Variants in MEIKIN observed in about 807,000 individuals in gnomAD.
The protein encoded by MEIKIN is meiotic kinetochore factor.
intron 11 of MEIKIN, among the ~76,000 whole-genome samples, chr5:131,845,272 T>TA (rs1158220526): frequency 0.071 from 3,197 of 45,266 alleles, 274 homozygotes; most frequent in Non-Finnish European, 0.081. Flanking sequence ...GACTTCGTCT[T>TA]AAAAAAAAAA....
chr5:131,822,045 C>A (rs1749517912), intron 11 of MEIKIN, among the ~76,000 whole-genome samples: 1 of 152,102 alleles, frequency 6.6e-6, no homozygotes, highest in Non-Finnish European at 1.5e-5. Flanking sequence ...TATGTAATAA[C>A]CTGCTTTGTC....
intron 11 of MEIKIN, among the ~76,000 whole-genome samples, chr5:131,823,124 T>C (rs1263613522): frequency 6.6e-6 from 1 of 152,140 alleles, no homozygotes; most frequent in Non-Finnish European, 1.5e-5. Context: ...ATCTTTTCTC[T>C]ATCCTTGACC....
intron 5 of MEIKIN, among the ~76,000 whole-genome samples, chr5:131,926,965 GAT>G (rs1272578073): frequency 1.3e-5 from 2 of 151,754 alleles, no homozygotes; most frequent in Non-Finnish European, 2.9e-5. Flanking sequence ...CAGTTTCACT[GAT>G]TTCTTTCTAT....
intron 4 of MEIKIN, among the ~76,000 whole-genome samples, chr5:131,935,920 T>C (rs1232229779): frequency 6.6e-6 from 1 of 152,194 alleles, no homozygotes; most frequent in Admixed American, 6.5e-5. Flanking sequence ...TGAGCATCTT[T>C]TGCTTTCTCT....
intron 5 of MEIKIN, among the ~76,000 whole-genome samples, chr5:131,928,640 C>G (rs144409191): frequency 2.1e-4 from 32 of 152,210 alleles, no homozygotes; most frequent in African/African-American, 6.0e-4. Flanking sequence ...TATACCAGAA[C>G]TAAAAGTGAT....
chr5:131,922,035 C>T (rs1435029127), intron 5 of MEIKIN, 94 bp from the exon 6 acceptor site: 5 of 395,294 alleles, frequency 1.3e-5, no homozygotes, highest in South Asian at 1.4e-4. Context: ...CCAGCCCATA[C>T]TAAATGATGG....
At chr5:131,893,833 T>C (rs1203977415) in intron 8 of MEIKIN, among the ~76,000 whole-genome samples, 1 of 152,250 alleles carries the variant, frequency 6.6e-6, no homozygotes, top group East Asian at 1.9e-4. Flanking sequence ...AGGTTGCCTG[T>C]TCACTCTGAT....
chr5:131,936,751 C>T (rs1042319587), intron 4 of MEIKIN, among the ~76,000 whole-genome samples: 3 of 151,994 alleles, frequency 2.0e-5, no homozygotes, highest in Admixed American at 6.6e-5. Flanking sequence ...CGTGCTGCTA[C>T]GCCTGGCTAC....
At chr5:131,812,137 A>T (rs1246927156) in intron 12 of MEIKIN, among the ~76,000 whole-genome samples, 1 of 152,240 alleles carries the variant, frequency 6.6e-6, no homozygotes, top group Admixed American at 6.5e-5. Context: ...CTGTATGTAG[A>T]TAATATTAAA....
intron 11 of MEIKIN, among the ~76,000 whole-genome samples, chr5:131,837,228 T>C (rs1749824195): frequency 1.3e-5 from 2 of 152,212 alleles, no homozygotes; most frequent in Admixed American, 6.5e-5. Context: ...CTTTGGTCTA[T>C]TCGTGCCAGT....
chr5:131,828,248 C>G (rs538956786), intron 11 of MEIKIN, among the ~76,000 whole-genome samples: 78 of 152,200 alleles, frequency 5.1e-4, no homozygotes, highest in South Asian at 1.5e-3. Context: ...CAATCTCTGC[C>G]CCTCTCCGGG....
chr5:131,875,133 G>C (rs1017717636), intron 9 of MEIKIN, among the ~76,000 whole-genome samples: 1 of 152,232 alleles, frequency 6.6e-6, no homozygotes, highest in Non-Finnish European at 1.5e-5. Context: ...AGTGTTGGAA[G>C]TTCTGGCCAG....
chr5:131,918,085 G>A (rs975295672), intron 6 of MEIKIN, among the ~76,000 whole-genome samples: 4 of 152,114 alleles, frequency 2.6e-5, no homozygotes, highest in Non-Finnish European at 5.9e-5. Context: ...CAAATTGTTG[G>A]GAAAGAGAAG....
At chr5:131,822,310 G>A (rs192439614) in intron 11 of MEIKIN, among the ~76,000 whole-genome samples, 1 of 152,100 alleles carries the variant, frequency 6.6e-6, no homozygotes, top group Non-Finnish European at 1.5e-5. Context: ...GACAGTTAGG[G>A]ACTTACTGCT....
intron 9 of MEIKIN, among the ~76,000 whole-genome samples, chr5:131,878,695 C>A (rs1750654670): frequency 6.6e-6 from 1 of 151,466 alleles, no homozygotes; most frequent in South Asian, 2.1e-4. Context: ...CTAGTGATAC[C>A]CCATCTTTAC....
At chr5:131,843,281 G>T (rs766522395) in intron 11 of MEIKIN, among the ~76,000 whole-genome samples, 1 of 152,192 alleles carries the variant, frequency 6.6e-6, no homozygotes. Flanking sequence ...CCACTGTCTT[G>T]GATATTAACA....
intron 7 of MEIKIN, among the ~76,000 whole-genome samples, chr5:131,913,554 A>G (rs1470854345): frequency 3.9e-5 from 6 of 152,182 alleles, no homozygotes; most frequent in Admixed American, 6.5e-5. Flanking sequence ...ACACCAATAT[A>G]TAGCTCTTAT....
At chr5:131,916,967 G>A (rs1218843701) in intron 6 of MEIKIN, 42 bp from the exon 7 acceptor site, 9 of 395,190 alleles carry the variant, frequency 2.3e-5, no homozygotes, top group Non-Finnish European at 2.7e-5. Context: ...AATATAATTC[G>A]AAGGCAAAAA....
chr5:131,854,255 T>C (rs1750160181), intron 10 of MEIKIN, among the ~76,000 whole-genome samples: 1 of 152,198 alleles, frequency 6.6e-6, no homozygotes, highest in Admixed American at 6.5e-5. Flanking sequence ...AAATACTGTA[T>C]GGTTCCACTT....
Sources: allele counts gnomAD v4.1 joint callset (sites outside exome capture counted in the v4.1 genomes callset), GRCh38; gene constraint gnomAD v4.1.1; transcripts MANE v1.5; gene names NCBI Gene and HGNC (gene_info 2026-07-23, HGNC 2026-07-21).